PTPN22: variants seen among roughly 807,000 people sequenced by gnomAD.
PTPN22 encodes protein tyrosine phosphatase non-receptor type 22, also known as tyrosine-protein phosphatase non-receptor type 22.
PTPN22 carries 85 observed loss-of-function variants against 103.3 expected under a neutral mutation model. The ratio of observed to expected loss-of-function variants is 0.82; its 90% CI spans 0.69 to 0.99. The LOEUF is 0.99. PTPN22 is among the 50% of genes least tolerant of loss of function. The pLI is 0.00. For missense variants in PTPN22, 865 were observed against 936.9 expected, an observed-to-expected ratio of 0.92 and a Z score of 1.00; for synonymous variants, 323 against 310.2, an observed-to-expected ratio of 1.04 and a Z score of -0.43.
chr1:113,844,979 T>A lies in PTPN22; in HGVS notation c.915+3561A>T, dbSNP rs991532359. ...GACTACAGGCACATGCCATCACACC[T>A]GGCTGAGTTTTTAATTTTTGTAGAG... is the stretch of plus-strand genomic sequence containing the variant. On this transcript the variant is annotated intron_variant, in intron 11 of 20. Transcript: ENST00000359785. 7.2e-5 allele frequency among the ~76,000 whole-genome samples: 11 copies of A among 151,976 alleles called. No individual in the cohort carries two copies. In the East Asian group the frequency reaches 2.1e-3, roughly 29 times the overall value.
intron 20 of PTPN22, among the ~76,000 whole-genome samples, chr1:113,816,940 A>G (rs1661203054): frequency 6.6e-6 from 1 of 152,034 alleles, no homozygotes; most frequent in African/African-American, 2.4e-5. Flanking sequence ...CCAACCTAGA[A>G]AACTATGCCA....
chr1:113,835,043 A>G (rs1286118943), intron 13 of PTPN22, 50 bp from the exon 14 acceptor site: 1 of 1,112,722 alleles, frequency 9.0e-7, no homozygotes, highest in Non-Finnish European at 1.3e-6. Context: ...AGAACAATCC[A>G]AAGGAAATTC....
intron 11 of PTPN22, among the ~76,000 whole-genome samples, chr1:113,839,849 C>A (rs901091169): frequency 6.6e-6 from 1 of 151,710 alleles, no homozygotes; most frequent in Non-Finnish European, 1.5e-5. Context: ...CAACATAGTA[C>A]TAAAGTTCTA....
chr1:113,861,261 G>C (rs972220604), intron 1 of PTPN22, among the ~76,000 whole-genome samples: 4 of 151,890 alleles, frequency 2.6e-5, no homozygotes, highest in African/African-American at 9.7e-5. Context: ...TTGTTTTTGA[G>C]ACAAAGTCTT....
At chr1:113,814,552 C>T in exon 21 of PTPN22, 1 of 182,850 alleles carries the variant, frequency 5.5e-6, no homozygotes, top group South Asian at 1.1e-4. Flanking sequence ...AGTTGAGATC[C>T]AAATCTTACA....
rs756234837 is a variant in PTPN22 at position 113,849,501 on chromosome 1, AT to A, written c.829-876del. 6.3e-4 allele frequency among the ~76,000 whole-genome samples: 96 copies of A among 152,086 alleles called. 1 individual carries two copies. The highest frequency in any genetic ancestry group is 1.5e-3 in the South Asian group (7 of 4,814). On this transcript the variant is annotated intron_variant, in intron 10 of 20. Transcript: ENST00000359785. ...CACATTTCTGTACAAATAAAGAACA[AT>A]TTTTTTTCAAAGATAATTTTAGCAG...
At chr1:113,837,244 G>A (rs1462222283) in intron 13 of PTPN22, among the ~76,000 whole-genome samples, 2 of 152,092 alleles carry the variant, frequency 1.3e-5, no homozygotes, top group African/African-American at 4.8e-5. Flanking sequence ...GAAGTCAAGA[G>A]ATCAAGACCA....
At chr1:113,863,467 T>C (rs1665801390) in intron 1 of PTPN22, among the ~76,000 whole-genome samples, 1 of 152,132 alleles carries the variant, frequency 6.6e-6, no homozygotes, top group Non-Finnish European at 1.5e-5. Context: ...AGGCTGGAGA[T>C]GGTGTTAGAG....
At chr1:113,857,600 TG>T in intron 5 of PTPN22, 137 bp downstream of exon 5, 1 of 699,086 alleles carries the variant, frequency 1.4e-6, no homozygotes, top group Non-Finnish European at 2.4e-6. Flanking sequence ...GAGAATCACG[TG>T]GCATTCCCAA....
At chr1:113,858,929 G>A (rs2102128870) in intron 3 of PTPN22, 73 bp downstream of exon 3, 1 of 1,547,704 alleles carries the variant, frequency 6.5e-7, no homozygotes, top group Non-Finnish European at 8.7e-7. Flanking sequence ...ATGAGCCACT[G>A]AGTCCAGCCA....
intron 10 of PTPN22, among the ~76,000 whole-genome samples, chr1:113,849,443 A>G (rs1330294039): frequency 1.3e-5 from 2 of 151,360 alleles, no homozygotes; most frequent in Non-Finnish European, 3.0e-5. Context: ...TTTTACCTGA[A>G]AGGGCCTATT....
chr1:113,862,515 C>A (rs1330522579), intron 1 of PTPN22, among the ~76,000 whole-genome samples: 1 of 151,966 alleles, frequency 6.6e-6, no homozygotes, highest in East Asian at 1.9e-4. Flanking sequence ...TCTAGAAATT[C>A]GGATTGAGTC....
intron 1 of PTPN22, among the ~76,000 whole-genome samples, chr1:113,871,205 T>C (rs1187677370): frequency 6.6e-6 from 1 of 152,194 alleles, no homozygotes; most frequent in East Asian, 1.9e-4. Context: ...ATTAGTAATA[T>C]AAAGCATAAA....
At chr1:113,871,510 C>A (rs765549958) in intron 1 of PTPN22, 27 bp downstream of exon 1, 1 of 1,600,188 alleles carries the variant, frequency 6.2e-7, no homozygotes, top group Non-Finnish European at 8.6e-7. Context: ...ATGTAACTAC[C>A]CTGAGAGGGT....
intron 2 of PTPN22, 25 bp downstream of exon 2, chr1:113,859,327 G>C (rs749660194): frequency 6.3e-7 from 1 of 1,588,386 alleles, no homozygotes; most frequent in Non-Finnish European, 8.6e-7. Flanking sequence ...GAAAGTATGA[G>C]TTTATAGAGA....
At chr1:113,849,937 T>C (rs1217404) in intron 10 of PTPN22, among the ~76,000 whole-genome samples, 84,890 of 151,592 alleles carry the variant, frequency 0.56, 24,507 homozygotes, top group South Asian at 0.65. Flanking sequence ...GGCTCACGCC[T>C]GTAATCCCAG....
At chr1:113,855,630 T>C (rs566328786) in intron 7 of PTPN22, among the ~76,000 whole-genome samples, 5 of 152,276 alleles carry the variant, frequency 3.3e-5, no homozygotes, top group Non-Finnish European at 7.4e-5. Flanking sequence ...GTTGTATCTA[T>C]ATCCTTTTTG....
At chr1:113,839,886 T>C (rs1663377436) in intron 11 of PTPN22, among the ~76,000 whole-genome samples, 1 of 146,824 alleles carries the variant, frequency 6.8e-6, no homozygotes, top group African/African-American at 2.6e-5. Flanking sequence ...TAATTAATTT[T>C]GTTCTTAGGC....
intron 18 of PTPN22, among the ~76,000 whole-genome samples, chr1:113,828,623 A>G (rs1384130984): frequency 6.6e-6 from 1 of 152,086 alleles, no homozygotes; most frequent in Non-Finnish European, 1.5e-5. Flanking sequence ...TTCTTTTTAT[A>G]CACTAATATG....
Sources: allele counts gnomAD v4.1 joint callset (sites outside exome capture counted in the v4.1 genomes callset), GRCh38; gene constraint gnomAD v4.1.1; transcripts MANE v1.5; gene names NCBI Gene and HGNC (gene_info 2026-07-23, HGNC 2026-07-21).